Variants in ZFP64 observed in about 807,000 individuals in gnomAD.
The protein encoded by ZFP64 is ZFP64 zinc finger protein, also known as zinc finger protein 64.
Under a neutral mutation model 51.6 loss-of-function variants are expected in ZFP64, and 14 were observed. That is an observed-to-expected ratio of 0.27 (90% CI 0.18 to 0.42). The LOEUF is 0.42. Ranked by LOEUF, ZFP64 falls within the 10% of genes least tolerant of loss-of-function variation. The probability of loss-of-function intolerance (pLI) is 1.00; values close to 1 mark genes in which losing one functional copy is unlikely to be tolerated. For synonymous variants in ZFP64, 375 were observed against 361.4 expected (o/e 1.04, Z -0.43); for missense variants, 754 against 906.8 (o/e 0.83, Z 2.16).
intron 4 of ZFP64, 77 bp downstream of exon 4, chr20:52,164,618 G>A (rs1358233426): frequency 1.2e-5 from 15 of 1,250,118 alleles, no homozygotes; most frequent in African/African-American, 1.0e-4. Flanking sequence ...GGTATCATTC[G>A]TCTGACCTAT....
intron 6 of ZFP64, among the ~76,000 whole-genome samples, chr20:52,098,225 C>G (rs1051697482): frequency 2.7e-5 from 4 of 150,472 alleles, no homozygotes; most frequent in Admixed American, 2.6e-4. Context: ...GTGGAAGCTA[C>G]TATGAATCCA....
intron 2 of ZFP64, among the ~76,000 whole-genome samples, chr20:52,173,588 G>C (rs1478798406): frequency 6.6e-6 from 1 of 151,422 alleles, no homozygotes; most frequent in Non-Finnish European, 1.5e-5. Flanking sequence ...ACCGTCTCTA[G>C]AAAAACAAAA....
At chr20:52,084,346 G>T in exon 9 of ZFP64, 3 of 568,756 alleles carry the variant, frequency 5.3e-6, no homozygotes, top group East Asian at 5.7e-5. Flanking sequence ...TCCTTGGAGG[G>T]AAGAGACAAA....
intron 5 of ZFP64, chr20:52,104,519 G>C (rs1459584653): frequency 2.8e-6 from 1 of 361,624 alleles, no homozygotes; most frequent in African/African-American, 2.1e-5. Context: ...AAGGCTCACG[G>C]CCGTCCCCCG....
In ZFP64 at chr20:52,160,110, A is replaced by C. The variant is rs766098201; in HGVS notation, c.763+13T>G. ...GTGAGGAGCGTAGAGAGCAAATAAC[A>C]GGCAGGACTCACCCGTGTGGGATCG... On this transcript the variant is annotated intron_variant, in intron 5 of 5. Coordinates refer to ENST00000216923, the MANE Select transcript of ZFP64 (RefSeq NM_018197.3). The surrounding 1 kb of genome is among the most constrained non-coding windows in gnomAD (Gnocchi z 4.2). 6.1e-5 allele frequency: 98 copies of C among 1,614,098 alleles called. 2 individuals carry two copies. The South Asian group carries it at 1.1e-3, about 18-fold the overall frequency.
intron 5 of ZFP64, among the ~76,000 whole-genome samples, chr20:52,124,896 G>A (rs1236939435): frequency 1.3e-5 from 2 of 151,956 alleles, no homozygotes; most frequent in Non-Finnish European, 2.9e-5. Flanking sequence ...GAGCCACCAT[G>A]CCCGGCCTAA....
intron 7 of ZFP64, among the ~76,000 whole-genome samples, chr20:52,094,198 T>C (rs1192494746): frequency 6.6e-6 from 1 of 152,160 alleles, no homozygotes; most frequent in Non-Finnish European, 1.5e-5. Flanking sequence ...AGGTTGACAG[T>C]GCTATCTCAG....
At chr20:52,097,375 G>T in exon 7 of ZFP64, 1 of 1,612,934 alleles carries the variant, frequency 6.2e-7, no homozygotes, top group Non-Finnish European at 8.5e-7. Context: ...ATACCTACCC[G>T]TGTGGATTCT....
chr20:52,119,865 G>GA (rs1204735344), intron 5 of ZFP64, among the ~76,000 whole-genome samples: 2 of 152,092 alleles, frequency 1.3e-5, no homozygotes, highest in Non-Finnish European at 2.9e-5. Flanking sequence ...TAAGGTGAAG[G>GA]AGTTGGGTGG....
intron 5 of ZFP64, among the ~76,000 whole-genome samples, chr20:52,136,304 T>G (rs902842171): frequency 6.6e-6 from 1 of 152,058 alleles, no homozygotes; most frequent in African/African-American, 2.4e-5. Context: ...CCATAAAATC[T>G]GAGATATCAC....
At chr20:52,180,251 C>T (rs1568703370) in intron 2 of ZFP64, among the ~76,000 whole-genome samples, 2 of 152,184 alleles carry the variant, frequency 1.3e-5, no homozygotes, top group South Asian at 4.1e-4. Flanking sequence ...GGCCACAGGC[C>T]CTCTCCCTCT....
chr20:52,148,543 A>T (rs894931383), downstream of ZFP64, among the ~76,000 whole-genome samples: 2 of 152,200 alleles, frequency 1.3e-5, no homozygotes, highest in African/African-American at 4.8e-5. Context: ...TCTACTAAAA[A>T]TACAAAAATT....
intron 5 of ZFP64, among the ~76,000 whole-genome samples, chr20:52,103,259 AG>A (rs982927933): frequency 1.3e-5 from 2 of 152,218 alleles, no homozygotes; most frequent in Non-Finnish European, 2.9e-5. Flanking sequence ...TGGTGGTGAC[AG>A]GAAGTCCACT....
intron 7 of ZFP64, among the ~76,000 whole-genome samples, chr20:52,092,198 A>G (rs11696379): frequency 0.18 from 27,608 of 152,180 alleles, 3,056 homozygotes; most frequent in South Asian, 0.43. Context: ...AAGAGAGGAT[A>G]CCAACAGATC....
At chr20:52,168,525 C>A (rs767447499) in intron 2 of ZFP64, among the ~76,000 whole-genome samples, 6 of 152,198 alleles carry the variant, frequency 3.9e-5, no homozygotes, top group Non-Finnish European at 8.8e-5. Flanking sequence ...GTGCACCCAA[C>A]AATCTGTGCT....
chr20:52,144,578 C>CAAAAAAAAAAAAAAAAAAAAAAAA lies in ZFP64; in HGVS notation c.763+15521_763+15544dup, dbSNP rs1156545584. Reference sequence around the variant, plus strand: ...CTGGTGACAGAGCGAGACTCCGTCTCAAAAAAAAAAAAAAAAAAAAAAAAT... The same window carrying CAAAAAAAAAAAAAAAAAAAAAAAA: ...CTGGTGACAGAGCGAGACTCCGTCTCAAAAAAAAAAAAAAAAAAAAAAAAAAAAAAAAAAAAAAAAAAAAAAAAT... On this transcript the variant is annotated intron_variant, in intron 5 of 8. Coordinates refer to the ZFP64 transcript ENST00000361387. Among the ~76,000 whole-genome samples, 18 of 23,324 alleles carry CAAAAAAAAAAAAAAAAAAAAAAAA rather than the reference C, an allele frequency of 7.7e-4. 2 individuals are homozygous for CAAAAAAAAAAAAAAAAAAAAAAAA. Among genetic ancestry groups the CAAAAAAAAAAAAAAAAAAAAAAAA allele is most frequent in the South Asian group, 2.4e-3 (1 of 414 alleles). 15.3% of individuals were successfully genotyped at this position (23,324 alleles called of 152,430 possible).
At chr20:52,103,189 T>C (rs564004061) in intron 5 of ZFP64, among the ~76,000 whole-genome samples, 1 of 152,286 alleles carries the variant, frequency 6.6e-6, no homozygotes, top group East Asian at 1.9e-4. Flanking sequence ...GGGTTTTAAC[T>C]CCTGGGGAAA....
intron 5 of ZFP64, among the ~76,000 whole-genome samples, chr20:52,123,080 TC>T (rs1480259900): frequency 6.6e-6 from 1 of 152,076 alleles, no homozygotes; most frequent in African/African-American, 2.4e-5. Flanking sequence ...AACCTCCACC[TC>T]CTGGGTTCAG....
At chr20:52,098,567 C>T (rs1159049651) in exon 6 of ZFP64, 1 of 1,614,038 alleles carries the variant, frequency 6.2e-7, no homozygotes, top group Non-Finnish European at 8.5e-7. Context: ...GCTTTTGGAA[C>T]ATCATCATCA....
Sources: allele counts gnomAD v4.1 joint callset (sites outside exome capture counted in the v4.1 genomes callset), GRCh38; gene constraint gnomAD v4.1.1; non-coding constraint Gnocchi (gnomAD v3.1); transcripts MANE v1.5; gene names NCBI Gene and HGNC (gene_info 2026-07-23, HGNC 2026-07-21).